Variants in SYN3 observed in about 807,000 individuals in gnomAD.
SYN3 encodes the protein synapsin III.
In SYN3, 35 loss-of-function variants were observed where a neutral mutation model predicts 65.8. The observed-to-expected ratio is 0.53, with a 90% CI of 0.41 to 0.70. The LOEUF (loss-of-function observed/expected upper bound fraction) is 0.70, where lower values mean the gene tolerates loss of function less well. SYN3 is among the 30% of genes least tolerant of loss of function. SYN3 has a pLI of 0.00. For synonymous variants in SYN3, 270 were observed against 292.9 expected (o/e 0.92, Z 0.80); for missense variants, 680 against 749.0 (o/e 0.91, Z 1.08).
At chr22:32,617,522 C>T (rs2059537691) in intron 6 of SYN3, among the ~76,000 whole-genome samples, 1 of 150,736 alleles carries the variant, frequency 6.6e-6, no homozygotes, top group Admixed American at 6.6e-5. Flanking sequence ...TGAGTCATCC[C>T]GTGGAGCTCA....
At chr22:32,769,755 G>A (rs1444863805) in intron 6 of SYN3, among the ~76,000 whole-genome samples, 1 of 152,026 alleles carries the variant, frequency 6.6e-6, no homozygotes, top group African/African-American at 2.4e-5. Context: ...GACCTCAGAT[G>A]ATCCGCCTGT....
At chr22:32,590,742 T>A (rs756081137) in intron 7 of SYN3, among the ~76,000 whole-genome samples, 1 of 152,244 alleles carries the variant, frequency 6.6e-6, no homozygotes, top group African/African-American at 2.4e-5. Context: ...CTCATTGTGG[T>A]TTCAATTTGC....
intron 6 of SYN3, among the ~76,000 whole-genome samples, chr22:32,731,139 C>G (rs2061265421): frequency 6.6e-6 from 1 of 152,198 alleles, no homozygotes; most frequent in African/African-American, 2.4e-5. Context: ...CTCAGCCCAG[C>G]TCCTGGCATA....
intron 1 of SYN3, among the ~76,000 whole-genome samples, chr22:33,011,055 T>A (rs1412247496): frequency 6.6e-6 from 1 of 152,342 alleles, no homozygotes; most frequent in East Asian, 1.9e-4. Context: ...TTCTTTCTAA[T>A]CTGAATGCCT....
chr22:32,949,576 G>T (rs574070114), intron 3 of SYN3, among the ~76,000 whole-genome samples: 11 of 152,182 alleles, frequency 7.2e-5, no homozygotes, highest in African/African-American at 2.7e-4. Context: ...ACGCACACAG[G>T]AATAGAGATG....
At chr22:32,660,608 A>G (rs1399738370) in intron 6 of SYN3, among the ~76,000 whole-genome samples, 1 of 152,172 alleles carries the variant, frequency 6.6e-6, no homozygotes. Context: ...ATGGCGCTAA[A>G]TGCTCCATCC....
At chr22:32,760,863 C>T (rs2045459688) in intron 6 of SYN3, among the ~76,000 whole-genome samples, 1 of 152,196 alleles carries the variant, frequency 6.6e-6, no homozygotes, top group Admixed American at 6.5e-5. Context: ...GAGTGAGATG[C>T]TTTAGAAGAC....
chr22:32,593,949 C>T (rs1344218461), intron 7 of SYN3, among the ~76,000 whole-genome samples: 3 of 151,946 alleles, frequency 2.0e-5, no homozygotes, highest in African/African-American at 7.3e-5. Flanking sequence ...CACCAGAGGC[C>T]ACTATAAGGA....
intron 1 of SYN3, among the ~76,000 whole-genome samples, chr22:33,007,482 C>T (rs2145804244): frequency 6.6e-6 from 1 of 152,188 alleles, no homozygotes; most frequent in Admixed American, 6.5e-5. Context: ...GAAGATAATG[C>T]TGAATATGAT....
intron 7 of SYN3, among the ~76,000 whole-genome samples, chr22:32,569,288 T>C (rs2058715667): frequency 6.6e-6 from 1 of 151,040 alleles, no homozygotes; most frequent in South Asian, 2.1e-4. Context: ...TCTATCTATC[T>C]ATCTATCTAT....
At chr22:32,899,012 G>A (rs955277097) in intron 4 of SYN3, among the ~76,000 whole-genome samples, 2 of 150,898 alleles carry the variant, frequency 1.3e-5, no homozygotes, top group Admixed American at 6.6e-5. Context: ...TGAGGCAGGA[G>A]AATCGCTTGA....
intron 4 of SYN3, among the ~76,000 whole-genome samples, chr22:32,915,355 CAG>C (rs1355002291): frequency 3.3e-5 from 5 of 152,156 alleles, no homozygotes; most frequent in Non-Finnish European, 7.4e-5. Context: ...ATTTACAAAA[CAG>C]ATAAAATTCC....
At position 32,528,948 on chromosome 22, in the gene SYN3, C is replaced by T; in HGVS notation, c.1156G>A (p.Ala386Thr). The change falls in exon 11 of 14, where the codon GCC (alanine) becomes ACC (threonine). Residue 386 changes from alanine to threonine, a missense_variant. Coordinates refer to ENST00000358763, the MANE Select transcript of SYN3 (RefSeq NM_003490.4). ...CTCATTTTGGAGACAACAAGGTCGG[C>T]CATCAGCTGTCTGTCCTCTTCCACA... Reference protein sequence around the residue: ...EHVEEDRQLMADLVVSKMSQL... With the variant: ...EHVEEDRQLMTDLVVSKMSQL... The T allele has an allele frequency of 6.2e-7, 1 of 1,614,118 alleles. No homozygotes were observed. The highest frequency in any genetic ancestry group is 8.5e-7 in the Non-Finnish European group (1 of 1,180,046).
chr22:32,569,051 C>T (rs549212257), intron 7 of SYN3, among the ~76,000 whole-genome samples: 4 of 152,138 alleles, frequency 2.6e-5, no homozygotes, highest in Admixed American at 6.5e-5. Context: ...ATATAGATGA[C>T]GGGGTCAGGA....
intron 6 of SYN3, among the ~76,000 whole-genome samples, chr22:32,701,068 C>G (rs995547406): frequency 2.6e-5 from 4 of 152,232 alleles, no homozygotes; most frequent in Non-Finnish European, 4.4e-5. Context: ...TCCCTGAAAG[C>G]AAGTCAACAT....
chr22:32,539,116 C>T (rs934211534), intron 8 of SYN3, among the ~76,000 whole-genome samples: 1 of 152,132 alleles, frequency 6.6e-6, no homozygotes, highest in Non-Finnish European at 1.5e-5. Flanking sequence ...GAAGCTATGT[C>T]ATTGAGATCA....
At position 32,965,916 on chromosome 22, in the gene SYN3, G is replaced by T. The variant is rs375726233; in HGVS notation, c.369+14729C>A. 1.3e-4 allele frequency among the ~76,000 whole-genome samples: 20 copies of T among 152,242 alleles called. 1 individual carries two copies. In the South Asian group the frequency reaches 3.7e-3, roughly 28 times the overall value. On this transcript the variant is annotated intron_variant, in intron 3 of 13. Transcript: ENST00000358763. Reference sequence around the variant, plus strand: ...TCGCTGTGTTAGCCAAGGTGGTCTCGATCTCCTGACCTTGTGATCTGCCCG... The same window carrying T: ...TCGCTGTGTTAGCCAAGGTGGTCTCTATCTCCTGACCTTGTGATCTGCCCG...
intron 4 of SYN3, among the ~76,000 whole-genome samples, chr22:32,895,689 A>G (rs1237474194): frequency 6.6e-6 from 1 of 152,194 alleles, no homozygotes; most frequent in Non-Finnish European, 1.5e-5. Context: ...GACGCATGCA[A>G]TTATCTCCCA....
At chr22:32,772,799 T>C (rs921721115) in intron 6 of SYN3, among the ~76,000 whole-genome samples, 3 of 126,580 alleles carry the variant, frequency 2.4e-5, no homozygotes, top group African/African-American at 9.3e-5. Context: ...AGAGAGGGAC[T>C]CTCTCCTCAG....
Sources: allele counts gnomAD v4.1 joint callset (sites outside exome capture counted in the v4.1 genomes callset), GRCh38; gene constraint gnomAD v4.1.1; transcripts MANE v1.5; gene names NCBI Gene and HGNC (gene_info 2026-07-23, HGNC 2026-07-21).